SLC6A15: variants seen among roughly 807,000 people sequenced by gnomAD.
SLC6A15 encodes sodium-dependent neutral amino acid transporter B(0)AT2.
In SLC6A15, 33 loss-of-function variants were observed where a neutral mutation model predicts 68.5. That is an observed-to-expected ratio of 0.48 (90% CI 0.37 to 0.64). The LOEUF (loss-of-function observed/expected upper bound fraction) is 0.64. Ranked by LOEUF, SLC6A15 falls within the 30% of genes least tolerant of loss-of-function variation. The pLI is 0.00. For missense variants in SLC6A15, 747 were observed against 874.3 expected, an observed-to-expected ratio of 0.85 and a Z score of 1.84; for synonymous variants, 347 against 301.0, an observed-to-expected ratio of 1.15 and a Z score of -1.58.
chr12:84,865,615 C>T (rs538612161), intron 10 of SLC6A15, among the ~76,000 whole-genome samples: 14 of 152,322 alleles, frequency 9.2e-5, no homozygotes, highest in African/African-American at 3.4e-4. Flanking sequence ...TCAGCGTATA[C>T]ATCCCTGGAT....
In SLC6A15 at chr12:84,885,446, G is replaced by A. The variant is rs1013978495; in HGVS notation, c.563C>T (p.Ala188Val). The change falls in exon 4 of 12, where the codon GCT becomes GTT. Residue 188 changes from alanine (A) to valine (V), a missense_variant. Physicochemically the swap from Ala to Val is moderately conservative, Grantham distance 64. Coordinates refer to ENST00000266682, the MANE Select transcript of SLC6A15 (RefSeq NM_182767.6). ...PWDQCPLVKN[A>V]SHTFVEPECE... ...TATACATATCTTACAAGTGTGTGAA[G>A]CATTTTTCACCAAAGGACACTGATC... 3 of 1,612,764 alleles carry A rather than the reference G, an allele frequency of 1.9e-6. No homozygotes were observed. The African/African-American group carries it at 4.0e-5, about 22-fold the overall frequency.
At chr12:84,899,031 CA>C (rs1872743781) in intron 1 of SLC6A15, among the ~76,000 whole-genome samples, 1 of 152,180 alleles carries the variant, frequency 6.6e-6, no homozygotes, top group Non-Finnish European at 1.5e-5. Context: ...GACATTCTAG[CA>C]AAAGTCAGGC....
chr12:84,901,025 T>A (rs1014631766), intron 1 of SLC6A15, among the ~76,000 whole-genome samples: 1 of 131,852 alleles, frequency 7.6e-6, no homozygotes, highest in Non-Finnish European at 1.7e-5. Flanking sequence ...CATATATACA[T>A]GTATATATGC....
chr12:84,873,787 C>A (rs1300965704), intron 6 of SLC6A15, among the ~76,000 whole-genome samples: 1 of 152,178 alleles, frequency 6.6e-6, no homozygotes, highest in African/African-American at 2.4e-5. Flanking sequence ...CAATTATAAA[C>A]TTCGCAGAGT....
At chr12:84,884,328 C>A (rs913030500) in intron 4 of SLC6A15, among the ~76,000 whole-genome samples, 4 of 151,586 alleles carry the variant, frequency 2.6e-5, no homozygotes, top group Non-Finnish European at 5.9e-5. Context: ...ATTTTTGAGA[C>A]CGAGTTTTGC....
intron 1 of SLC6A15, among the ~76,000 whole-genome samples, chr12:84,909,875 T>A (rs531402954): frequency 6.6e-6 from 1 of 152,296 alleles, no homozygotes; most frequent in Admixed American, 6.5e-5. Context: ...TCTTACCTAT[T>A]CATATACAAA....
chr12:84,893,258 G>A (rs1315110747), intron 1 of SLC6A15, among the ~76,000 whole-genome samples: 1 of 152,160 alleles, frequency 6.6e-6, no homozygotes, highest in African/African-American at 2.4e-5. Flanking sequence ...GGAAAGATCA[G>A]GAATGTTGGA....
At chr12:84,870,401 C>T in intron 9 of SLC6A15, 77 bp downstream of exon 9, 2 of 1,041,630 alleles carry the variant, frequency 1.9e-6, no homozygotes, top group South Asian at 5.4e-5. Context: ...AGACTTTCCA[C>T]TTTTCATCTC....
intron 9 of SLC6A15, among the ~76,000 whole-genome samples, chr12:84,869,148 T>G (rs1871180800): frequency 6.6e-6 from 1 of 152,146 alleles, no homozygotes; most frequent in Non-Finnish European, 1.5e-5. Flanking sequence ...TAGACATATA[T>G]TATTAGTAAA....
chr12:84,883,447 C>T, intron 5 of SLC6A15: 1 of 1,134,822 alleles, frequency 8.8e-7, no homozygotes, highest in Non-Finnish European at 1.1e-6. Context: ...AGAACACCTA[C>T]AGCAGAGAGA....
At chr12:84,898,218 T>A (rs1872710744) in intron 1 of SLC6A15, among the ~76,000 whole-genome samples, 1 of 152,038 alleles carries the variant, frequency 6.6e-6, no homozygotes, top group African/African-American at 2.4e-5. Flanking sequence ...GCATGCACCT[T>A]TAGTCCCAGC....
rs781309591 is a variant in SLC6A15 at position 84,883,751 on chromosome 12, T to G, written c.756+108A>C. 8 of 1,612,200 alleles carry G rather than the reference T, an allele frequency of 5.0e-6. No homozygotes were observed. In the East Asian group the frequency reaches 1.6e-4, roughly 31 times the overall value. On this transcript the variant is annotated intron_variant, in intron 5 of 11. Transcript: ENST00000266682. Reference sequence around the variant, plus strand: ...TTCACTAATATTTAACTACCTAGAATGAAGTGTTATGTGTGATTTGCCCAC... The same window carrying G: ...TTCACTAATATTTAACTACCTAGAAGGAAGTGTTATGTGTGATTTGCCCAC...
chr12:84,886,733 T>C (rs1325742808), intron 2 of SLC6A15, among the ~76,000 whole-genome samples: 1 of 152,140 alleles, frequency 6.6e-6, no homozygotes, highest in African/African-American at 2.4e-5. Flanking sequence ...AATTAAAACA[T>C]TTAATATCTA....
chr12:84,869,766 C>T (rs1234688977), intron 9 of SLC6A15, among the ~76,000 whole-genome samples: 26 of 152,032 alleles, frequency 1.7e-4, no homozygotes, highest in Non-Finnish European at 1.5e-5. Flanking sequence ...ATGTAAAATC[C>T]ATTATGCTAT....
In SLC6A15 at chr12:84,884,038, C is replaced by T. The variant is rs778232072; in HGVS notation, c.577G>A (p.Val193Ile). ...PLVKNASHTF[V>I]EPECEQSSAT... ...GAACTTTGTTCACATTCTGGTTCTA[C>T]AACTGTAGAAAGAAAAGTAACACAC... Residue 193 changes from valine (V) to isoleucine (I), a missense_variant and splice_region_variant, in exon 5 of 12, where the codon GTA becomes ATA. By Grantham distance (29) the Val-to-Ile change is conservative (BLOSUM62 3). Coordinates refer to ENST00000266682, the MANE Select transcript of SLC6A15 (RefSeq NM_182767.6). 3.7e-6 allele frequency: 6 copies of T among 1,610,408 alleles called. No individual in the cohort carries two copies. Among genetic ancestry groups the T allele is most frequent in the South Asian group, 3.3e-5 (3 of 90,782 alleles).
chr12:84,868,799 A>AT (rs1871167720), intron 9 of SLC6A15, among the ~76,000 whole-genome samples: 1 of 152,098 alleles, frequency 6.6e-6, no homozygotes, highest in Admixed American at 6.5e-5. Context: ...ACTTTGTGTG[A>AT]TTTTCCCTTT....
chr12:84,861,859 TCA>T lies in SLC6A15; in HGVS notation c.1964_1965del (p.Val655AspfsTer3). On this transcript the variant is annotated frameshift_variant, in exon 12 of 12. Coordinates refer to ENST00000266682, the MANE Select transcript of SLC6A15 (RefSeq NM_182767.6). LOFTEE classifies it high-confidence loss of function. ...IDDSSGNLAS[V>X]TYKRGRVLKE... ...TTCAGGACCCTTCCTCTCTTATAGG[TCA>T]CAGATGCTAAATTACCAGAACTATC... 6.2e-7 allele frequency: 1 copy of T among 1,613,908 alleles called. No individual in the cohort carries two copies. Among genetic ancestry groups the T allele is most frequent in the Non-Finnish European group, 8.5e-7 (1 of 1,179,918 alleles).
At chr12:84,911,393 T>C (rs113325976) in intron 1 of SLC6A15, among the ~76,000 whole-genome samples, 6,110 of 152,212 alleles carry the variant, frequency 0.04, 387 homozygotes, top group African/African-American at 0.13. Context: ...GTCGCAGACT[T>C]ATTTGCATAA....
intron 9 of SLC6A15, among the ~76,000 whole-genome samples, chr12:84,868,607 A>C (rs1871160150): frequency 6.6e-6 from 1 of 152,206 alleles, no homozygotes; most frequent in Non-Finnish European, 1.5e-5. Context: ...TCATTTGCCT[A>C]AATCTTACTG....
Sources: gnomAD v4.1 joint callset for allele counts (sites outside exome capture counted in the v4.1 genomes callset) on GRCh38, gnomAD v4.1.1 for gene constraint, MANE v1.5 for transcripts, NCBI Gene and HGNC (gene_info 2026-07-23, HGNC 2026-07-21) for gene names.